The following NTM variants were observed in gnomAD, a reference collection of about 807,000 sequenced individuals.
The protein encoded by NTM is neurotrimin.
Under a neutral mutation model 42.1 loss-of-function variants are expected in NTM, and 13 were observed. The observed-to-expected ratio is 0.31, with a 90% confidence interval of 0.20 to 0.49. NTM has a LOEUF of 0.49. NTM is among the 20% of genes least tolerant of loss of function. The pLI, the probability that NTM is intolerant of heterozygous loss-of-function variation, is 0.99. For missense variants in NTM, 373 were observed against 452.8 expected (o/e 0.82, Z 1.60); for synonymous variants, 187 against 179.2 (o/e 1.04, Z -0.35).
intron 1 of NTM, among the ~76,000 whole-genome samples, chr11:131,623,818 C>T (rs775551341): frequency 4.6e-5 from 7 of 152,222 alleles, no homozygotes; most frequent in Admixed American, 2.0e-4. Flanking sequence ...TGTGTGTTTG[C>T]TTTGTTAACT....
rs559031419 is a variant in NTM at position 131,611,108 on chromosome 11, T to C, written c.82+240220T>C. 1.3e-3 allele frequency among the ~76,000 whole-genome samples: 192 copies of C among 152,102 alleles called. 1 individual carries two copies. Among genetic ancestry groups the C allele is most frequent in the Non-Finnish European group, 1.8e-3 (119 of 67,996 alleles). ...AAGCAGTTCAACATCCATCTCTGAG[T>C]GTAGGAAGAGGCATCGGGGACCAAG... On this transcript the variant is annotated intron_variant, in intron 1 of 8. Transcript: ENST00000683400.
chr11:131,556,768 G>A (rs761354102), intron 1 of NTM, among the ~76,000 whole-genome samples: 17 of 151,900 alleles, frequency 1.1e-4, no homozygotes, highest in Middle Eastern at 6.8e-3. Context: ...GGTTTTCACC[G>A]TATTGGCCAA....
At position 131,435,894 on chromosome 11, in the gene NTM, G is replaced by A. The variant is rs576886151; in HGVS notation, c.82+65006G>A. On this transcript the variant is annotated intron_variant, in intron 1 of 8. Transcript: ENST00000683400. ...TTCAAAGGGAATGCTTCCAGTTTTT[G>A]CCCATTCAGTATGATATTGGCTCTA... is the stretch of plus-strand genomic sequence containing the variant. Among the ~76,000 whole-genome samples, 139 of 152,254 alleles carry A rather than the reference G, an allele frequency of 9.1e-4. 1 individual carries two copies. The highest frequency in any genetic ancestry group is 3.2e-3 in the African/African-American group (131 of 41,548).
chr11:132,239,198 C>G (rs1035483339), intron 4 of NTM, among the ~76,000 whole-genome samples: 46 of 152,130 alleles, frequency 3.0e-4, no homozygotes, highest in African/African-American at 1.1e-3. Flanking sequence ...TTTATATTAC[C>G]AATTGAGAAA....
intron 1 of NTM, among the ~76,000 whole-genome samples, chr11:131,403,809 T>C (rs1347778272): frequency 6.6e-6 from 1 of 152,190 alleles, no homozygotes; most frequent in African/African-American, 2.4e-5. Flanking sequence ...AGATACCAAA[T>C]CTCAGTATAC....
At chr11:132,017,424 A>G (rs1222572561) in intron 2 of NTM, among the ~76,000 whole-genome samples, 1 of 152,008 alleles carries the variant, frequency 6.6e-6, no homozygotes, top group Non-Finnish European at 1.5e-5. Flanking sequence ...CACTTTTGAC[A>G]AAATTCAGTT....
At chr11:131,946,072 C>G (rs1008310500) in intron 2 of NTM, among the ~76,000 whole-genome samples, 1 of 152,050 alleles carries the variant, frequency 6.6e-6, no homozygotes, top group African/African-American at 2.4e-5. Context: ...CAGATTCAGT[C>G]CAGAAGGAGA....
intron 1 of NTM, among the ~76,000 whole-genome samples, chr11:131,402,108 G>C (rs1038173371): frequency 6.6e-6 from 1 of 151,506 alleles, no homozygotes; most frequent in African/African-American, 2.4e-5. Context: ...GCAAAGGGTC[G>C]TCATTGACCT....
chr11:131,730,006 C>A (rs565203886), intron 1 of NTM, among the ~76,000 whole-genome samples: 46 of 152,208 alleles, frequency 3.0e-4, no homozygotes, highest in African/African-American at 1.1e-3. Flanking sequence ...TTTAACATTT[C>A]AAAGAACTGC....
At chr11:131,842,081 G>A (rs1388812667) in intron 1 of NTM, among the ~76,000 whole-genome samples, 1 of 152,214 alleles carries the variant, frequency 6.6e-6, no homozygotes, top group African/African-American at 2.4e-5. Flanking sequence ...TGAGCGAGCA[G>A]CACCTTGAGA....
chr11:132,124,342 C>T (rs961739135), intron 2 of NTM, among the ~76,000 whole-genome samples: 1 of 152,172 alleles, frequency 6.6e-6, no homozygotes, highest in Admixed American at 6.5e-5. Flanking sequence ...TTTGTGAGTG[C>T]TCTCAGTCTG....
intron 1 of NTM, among the ~76,000 whole-genome samples, chr11:131,877,477 C>T (rs1043101668): frequency 1.3e-5 from 2 of 152,074 alleles, no homozygotes; most frequent in South Asian, 2.1e-4. Flanking sequence ...CTCACAGAGC[C>T]GCAGAAACCC....
intron 1 of NTM, among the ~76,000 whole-genome samples, chr11:131,783,984 C>T (rs2088663886): frequency 6.6e-6 from 1 of 151,984 alleles, no homozygotes; most frequent in Non-Finnish European, 1.5e-5. Context: ...AATGTTTAAA[C>T]AAATACTTCA....
At chr11:131,434,641 T>C (rs571907691) in intron 1 of NTM, among the ~76,000 whole-genome samples, 2 of 152,316 alleles carry the variant, frequency 1.3e-5, no homozygotes, top group South Asian at 4.1e-4. Flanking sequence ...AGGTTGTTTG[T>C]TCTTTTCTTG....
intron 1 of NTM, chr11:131,794,632 T>TGAAC: frequency 2.0e-6 from 2 of 984,894 alleles, no homozygotes; most frequent in Non-Finnish European, 2.4e-6. Context: ...GTTGAATGAA[T>TGAAC]GAATGAATGA....
chr11:131,718,733 A>G (rs1409398687), intron 1 of NTM, among the ~76,000 whole-genome samples: 1 of 151,684 alleles, frequency 6.6e-6, no homozygotes, highest in African/African-American at 2.4e-5. Context: ...TATTCTGAGC[A>G]CTCTAATGTT....
At chr11:132,086,798 T>C (rs2059774911) in intron 2 of NTM, among the ~76,000 whole-genome samples, 1 of 152,186 alleles carries the variant, frequency 6.6e-6, no homozygotes, top group South Asian at 2.1e-4. Flanking sequence ...TGTCAGTGTG[T>C]CAGGCTTCTG....
chr11:132,278,743 T>TTCTCTCTCTCTCTCTCTCTCTCTC (rs66748602), intron 4 of NTM, among the ~76,000 whole-genome samples: 5 of 138,072 alleles, frequency 3.6e-5, no homozygotes, highest in African/African-American at 1.1e-4. Context: ...TCATTTGGGC[T>TTCTCTCTCTCTCTCTCTCTCTCTC]TCTCTCTCTC....
chr11:131,717,949 G>A (rs7946310), intron 1 of NTM, among the ~76,000 whole-genome samples: 224 of 152,148 alleles, frequency 1.5e-3, no homozygotes, highest in African/African-American at 4.7e-3. Context: ...AAATGCTTTC[G>A]TCTTTATTAA....
Sources: gnomAD v4.1 joint callset for allele counts (sites outside exome capture counted in the v4.1 genomes callset) on GRCh38, gnomAD v4.1.1 for gene constraint, MANE v1.5 for transcripts, NCBI Gene and HGNC (gene_info 2026-07-23, HGNC 2026-07-21) for gene names.